The following DLG2 variants were observed in gnomAD, a reference collection of about 807,000 sequenced individuals.
DLG2 encodes disks large homolog 2.
A neutral mutation model predicts 132.5 loss-of-function variants in DLG2; 45 were observed. The observed-to-expected ratio is 0.34, with a 90% CI of 0.27 to 0.44. The LOEUF (loss-of-function observed/expected upper bound fraction) is 0.44, where lower values mean the gene tolerates loss of function less well. Ranked by LOEUF, DLG2 falls within the 20% of genes least tolerant of loss-of-function variation. The probability of loss-of-function intolerance (pLI) is 1.00; values close to 1 mark genes in which losing one functional copy is unlikely to be tolerated. For missense variants in DLG2, 1,045 were observed against 1,196.9 expected (o/e 0.87, Z 1.87); for synonymous variants, 424 against 419.6 (o/e 1.01, Z -0.13).
At chr11:85,477,198 T>A (rs565565766) in intron 3 of DLG2, among the ~76,000 whole-genome samples, 36 of 152,288 alleles carry the variant, frequency 2.4e-4, no homozygotes, top group African/African-American at 8.4e-4. Flanking sequence ...ATGTTGAACA[T>A]CCTATTTAAA....
intron 6 of DLG2, among the ~76,000 whole-genome samples, chr11:85,053,694 C>T (rs56350458): frequency 0.03 from 4,354 of 142,884 alleles, 94 homozygotes; most frequent in Non-Finnish European, 0.046. Context: ...CCCAGCTACT[C>T]GGGAGGCTGA....
intron 10 of DLG2, among the ~76,000 whole-genome samples, chr11:84,088,646 G>A (rs1337668819): frequency 6.6e-6 from 1 of 152,164 alleles, no homozygotes; most frequent in East Asian, 1.9e-4. Flanking sequence ...CACTTGCTAG[G>A]TGATTTTCTT....
At chr11:84,448,152 A>G (rs2099041032) in intron 7 of DLG2, among the ~76,000 whole-genome samples, 3 of 152,088 alleles carry the variant, frequency 2.0e-5, no homozygotes, top group Non-Finnish European at 4.4e-5. Context: ...CACTCACCTA[A>G]CCTGACTGCT....
chr11:83,950,195 AT>A (rs2085056553), intron 14 of DLG2, among the ~76,000 whole-genome samples: 1 of 152,244 alleles, frequency 6.6e-6, no homozygotes, highest in Non-Finnish European at 1.5e-5. Context: ...TATTACACAA[AT>A]ATCAGTTATC....
chr11:84,073,663 G>C (rs1233943804), intron 10 of DLG2, among the ~76,000 whole-genome samples: 1 of 152,164 alleles, frequency 6.6e-6, no homozygotes, highest in Middle Eastern at 3.2e-3. Context: ...AACTTTAGCG[G>C]TTAGGCTTTA....
intron 7 of DLG2, among the ~76,000 whole-genome samples, chr11:84,486,162 C>T (rs2099150310): frequency 6.6e-6 from 1 of 152,112 alleles, no homozygotes; most frequent in Non-Finnish European, 1.5e-5. Context: ...TTGTCTTTGT[C>T]ATGCCTTCCC....
intron 6 of DLG2, among the ~76,000 whole-genome samples, chr11:84,853,600 T>C (rs2082408572): frequency 6.6e-6 from 1 of 152,058 alleles, no homozygotes; most frequent in Admixed American, 6.6e-5. Context: ...TCGAGCACTG[T>C]GCTAGGTCTT....
chr11:85,018,159 T>C (rs1268219140), intron 6 of DLG2, among the ~76,000 whole-genome samples: 1 of 152,206 alleles, frequency 6.6e-6, no homozygotes, highest in East Asian at 1.9e-4. Flanking sequence ...AACTCCCATA[T>C]TCTTGAATAT....
At chr11:84,572,889 G>A (rs1034775789) in intron 6 of DLG2, among the ~76,000 whole-genome samples, 1 of 152,016 alleles carries the variant, frequency 6.6e-6, no homozygotes, top group Non-Finnish European at 1.5e-5. Flanking sequence ...CATGGGATTT[G>A]GGAACCAAGA....
rs571227607 is a variant in DLG2 at position 83,866,108 on chromosome 11, A to C, written c.1565+8312T>G. Among the ~76,000 whole-genome samples, 5 of 152,078 alleles carry C rather than the reference A, an allele frequency of 3.3e-5. No homozygotes were observed. The East Asian group carries it at 9.7e-4, about 29-fold the overall frequency. ...TTTTCACAGAGCTTGACACAGTAAC[A>C]GATTTATATTTATTTGTGTGATTAT... is the stretch of plus-strand genomic sequence containing the variant. On this transcript the variant is annotated intron_variant, in intron 16 of 27. Transcript: ENST00000376104.
chr11:84,774,626 C>A (rs1461654561), intron 6 of DLG2, among the ~76,000 whole-genome samples: 1 of 151,930 alleles, frequency 6.6e-6, no homozygotes, highest in African/African-American at 2.4e-5. Context: ...GCCGAGAACG[C>A]AGAAATAAAG....
intron 14 of DLG2, among the ~76,000 whole-genome samples, chr11:83,940,410 C>T (rs1364684289): frequency 6.6e-6 from 1 of 152,126 alleles, no homozygotes; most frequent in Non-Finnish European, 1.5e-5. Flanking sequence ...ATGAAGCTGG[C>T]CCTGTGCTAC....
intron 6 of DLG2, among the ~76,000 whole-genome samples, chr11:84,627,953 C>G (rs570943814): frequency 5.5e-4 from 84 of 152,134 alleles, no homozygotes; most frequent in African/African-American, 1.9e-3. Context: ...GGCCCCACCT[C>G]CAACATAGGG....
chr11:84,528,147 A>G (rs535642606), intron 7 of DLG2, among the ~76,000 whole-genome samples: 3 of 152,304 alleles, frequency 2.0e-5, no homozygotes, highest in South Asian at 4.1e-4. Context: ...TATTTATTGA[A>G]CTGACCTAAA....
intron 6 of DLG2, among the ~76,000 whole-genome samples, chr11:84,861,069 C>T (rs1164317151): frequency 1.3e-5 from 2 of 152,042 alleles, no homozygotes; most frequent in Non-Finnish European, 2.9e-5. Flanking sequence ...AACCACAATA[C>T]AGTATGAGAA....
intron 6 of DLG2, among the ~76,000 whole-genome samples, chr11:84,969,306 G>A (rs1391165063): frequency 6.6e-6 from 1 of 152,170 alleles, no homozygotes; most frequent in Admixed American, 6.5e-5. Context: ...GGCCAGGAAT[G>A]TCTGGAGCTA....
At chr11:83,608,019 G>A (rs1336600660) in intron 19 of DLG2, among the ~76,000 whole-genome samples, 1 of 152,210 alleles carries the variant, frequency 6.6e-6, no homozygotes, top group Admixed American at 6.5e-5. Context: ...CTTACGGGGT[G>A]TTAGAAAGTT....
At chr11:85,162,561 C>T (rs1269793143) in intron 4 of DLG2, among the ~76,000 whole-genome samples, 3 of 152,122 alleles carry the variant, frequency 2.0e-5, no homozygotes, top group African/African-American at 4.8e-5. Flanking sequence ...AGCATATATA[C>T]GCTTGTATTA....
intron 19 of DLG2, among the ~76,000 whole-genome samples, chr11:83,584,165 C>T (rs1165680925): frequency 1.3e-5 from 2 of 152,150 alleles, no homozygotes; most frequent in Non-Finnish European, 2.9e-5. Flanking sequence ...TACTGAGTCA[C>T]TTGTCTGAGT....
Sources: gnomAD v4.1 joint callset for allele counts (sites outside exome capture counted in the v4.1 genomes callset) on GRCh38, gnomAD v4.1.1 for gene constraint, MANE v1.5 for transcripts, NCBI Gene and HGNC (gene_info 2026-07-23, HGNC 2026-07-21) for gene names.